The following TRPM3 variants were observed in gnomAD, a reference collection of about 807,000 sequenced individuals.
The protein encoded by TRPM3 is transient receptor potential cation channel subfamily M member 3, also known as long transient receptor potential channel 3.
A neutral mutation model predicts 181.2 loss-of-function variants in TRPM3; 77 were observed. That is an observed-to-expected ratio of 0.42 (90% CI 0.35 to 0.51). The LOEUF (loss-of-function observed/expected upper bound fraction) is 0.51. Among genes scored for constraint, TRPM3 ranks in the 20% least tolerant of loss-of-function variants. TRPM3 has a pLI of 0.01. For missense variants in TRPM3, 1,759 were observed against 2,196.7 expected, an observed-to-expected ratio of 0.80 and a Z score of 3.98; for synonymous variants, 745 against 796.4, an observed-to-expected ratio of 0.94 and a Z score of 1.09.
At chr9:70,671,477 T>A (rs1245493668) in intron 9 of TRPM3, among the ~76,000 whole-genome samples, 1 of 152,086 alleles carries the variant, frequency 6.6e-6, no homozygotes, top group East Asian at 1.9e-4. Context: ...CTTCACAAAT[T>A]CTTGTCAAAA....
intron 9 of TRPM3, among the ~76,000 whole-genome samples, chr9:70,648,865 AT>A (rs2059255987): frequency 6.6e-6 from 1 of 152,194 alleles, no homozygotes; most frequent in African/African-American, 2.4e-5. Context: ...AAAGACTTAA[AT>A]ATAAAACCTA....
intron 1 of TRPM3, among the ~76,000 whole-genome samples, chr9:71,029,812 TAAAC>T (rs1346395267): frequency 2.0e-5 from 3 of 152,100 alleles, no homozygotes; most frequent in Non-Finnish European, 2.9e-5. Context: ...TAATAACAAA[TAAAC>T]AGATAACTGG....
chr9:71,352,893 G>A (rs1188826901), intron 1 of TRPM3, among the ~76,000 whole-genome samples: 3 of 151,992 alleles, frequency 2.0e-5, no homozygotes, highest in African/African-American at 2.4e-5. Context: ...AACACGATTC[G>A]AAACTCCCAG....
intron 1 of TRPM3, among the ~76,000 whole-genome samples, chr9:71,194,521 G>A (rs1311386800): frequency 6.6e-6 from 1 of 151,818 alleles, no homozygotes; most frequent in Non-Finnish European, 1.5e-5. Flanking sequence ...GTGAGCTTGG[G>A]CATCGTAAAA....
chr9:71,326,439 T>C (rs2089688102), intron 1 of TRPM3, among the ~76,000 whole-genome samples: 1 of 152,210 alleles, frequency 6.6e-6, no homozygotes, highest in African/African-American at 2.4e-5. Flanking sequence ...TGTATGTATG[T>C]ATTTAACTCT....
intron 1 of TRPM3, among the ~76,000 whole-genome samples, chr9:71,445,967 T>A (rs1471147769): frequency 6.6e-6 from 1 of 151,478 alleles, no homozygotes; most frequent in South Asian, 2.1e-4. Context: ...GCAGCTAAAG[T>A]TTTTTATCAA....
At chr9:71,255,394 A>G (rs572455951) in intron 1 of TRPM3, among the ~76,000 whole-genome samples, 3 of 152,194 alleles carry the variant, frequency 2.0e-5, no homozygotes, top group Non-Finnish European at 4.4e-5. Flanking sequence ...TGTGATTCAT[A>G]TAATACCCAT....
In TRPM3 at chr9:70,740,122, G is replaced by C. The variant is rs547160498; in HGVS notation, c.1272+21479C>G. Among the ~76,000 whole-genome samples the C allele has an allele frequency of 3.3e-5, 5 of 152,274 alleles. No individual in the cohort carries two copies. In the East Asian group the frequency reaches 9.6e-4, roughly 29 times the overall value. ...AGAACTGGTAAATGAATTAAGCAAA[G>C]TTTCAAGATACAAAATTAATGTACA... is the stretch of plus-strand genomic sequence containing the variant. On this transcript the variant is annotated intron_variant, in intron 8 of 25. Transcript: ENST00000677713.
At chr9:70,924,466 A>T (rs1056661309) in intron 1 of TRPM3, among the ~76,000 whole-genome samples, 2 of 152,188 alleles carry the variant, frequency 1.3e-5, no homozygotes, top group African/African-American at 4.8e-5. Flanking sequence ...TTCCATTTCC[A>T]GTATTTCAAC....
intron 1 of TRPM3, among the ~76,000 whole-genome samples, chr9:71,133,647 C>A (rs1264927846): frequency 6.6e-6 from 1 of 152,072 alleles, no homozygotes; most frequent in Non-Finnish European, 1.5e-5. Flanking sequence ...CATAAGAGTT[C>A]TTTTTATATT....
intron 1 of TRPM3, among the ~76,000 whole-genome samples, chr9:71,040,318 T>C (rs1264938297): frequency 6.6e-6 from 1 of 152,210 alleles, no homozygotes; most frequent in Non-Finnish European, 1.5e-5. Flanking sequence ...TGAATGAAGC[T>C]CTCTCTATAA....
intron 9 of TRPM3, among the ~76,000 whole-genome samples, chr9:70,676,452 G>C (rs1163319250): frequency 6.6e-6 from 1 of 152,148 alleles, no homozygotes; most frequent in Non-Finnish European, 1.5e-5. Flanking sequence ...TGGAGCAAGA[G>C]GTTTATGCTG....
At chr9:71,062,422 T>G (rs1029363423) in intron 1 of TRPM3, among the ~76,000 whole-genome samples, 2 of 152,116 alleles carry the variant, frequency 1.3e-5, no homozygotes, top group Non-Finnish European at 2.9e-5. Context: ...CAAGAAAAAT[T>G]TTATATTCTG....
At chr9:71,305,783 T>G (rs2087241106) in intron 1 of TRPM3, among the ~76,000 whole-genome samples, 1 of 152,146 alleles carries the variant, frequency 6.6e-6, no homozygotes, top group Non-Finnish European at 1.5e-5. Context: ...TAGTATTGAC[T>G]TGCTTTCTCT....
intron 1 of TRPM3, among the ~76,000 whole-genome samples, chr9:71,420,757 AAGAG>A (rs771977392): frequency 3.5e-4 from 7 of 19,790 alleles, no homozygotes; most frequent in African/African-American, 9.7e-4. Context: ...AAGAGAGAGA[AAGAG>A]AGAGAAAGAG....
intron 1 of TRPM3, among the ~76,000 whole-genome samples, chr9:70,955,125 T>C (rs1306665492): frequency 6.6e-6 from 1 of 152,170 alleles, no homozygotes; most frequent in Non-Finnish European, 1.5e-5. Context: ...CCAACAGTTA[T>C]ATCAGCCTCT....
intron 1 of TRPM3, among the ~76,000 whole-genome samples, chr9:71,283,194 AG>A (rs1346680462): frequency 6.6e-6 from 1 of 152,238 alleles, no homozygotes. Flanking sequence ...ACTTCATGTA[AG>A]TGGAACCATG....
intron 1 of TRPM3, among the ~76,000 whole-genome samples, chr9:71,374,411 A>T (rs2092612643): frequency 6.6e-6 from 1 of 151,566 alleles, no homozygotes; most frequent in African/African-American, 2.4e-5. Context: ...AAACAAAAAA[A>T]ACCACTCTCA....
chr9:71,040,055 T>C (rs965593241), intron 1 of TRPM3, among the ~76,000 whole-genome samples: 1 of 152,200 alleles, frequency 6.6e-6, no homozygotes, highest in African/African-American at 2.4e-5. Context: ...AATTTTTACA[T>C]AATGGGAATG....
Sources: allele counts gnomAD v4.1 joint callset (sites outside exome capture counted in the v4.1 genomes callset), GRCh38; gene constraint gnomAD v4.1.1; transcripts MANE v1.5; gene names NCBI Gene and HGNC (gene_info 2026-07-23, HGNC 2026-07-21).